Variants in IQUB observed in about 807,000 individuals in gnomAD.
IQUB encodes the protein IQ motif and ubiquitin-like domain-containing protein.
IQUB carries 86 observed loss-of-function variants against 86.4 expected under a neutral mutation model. The observed-to-expected ratio is 1.00, with a 90% confidence interval of 0.84 to 1.19. The LOEUF is 1.19. Among genes scored for constraint, IQUB ranks in the 50% most tolerant of loss-of-function variants. The probability of loss-of-function intolerance (pLI) is 0.00; values close to 1 mark genes in which losing one functional copy is unlikely to be tolerated. For synonymous variants in IQUB, 289 were observed against 304.5 expected (o/e 0.95, Z 0.53); for missense variants, 946 against 916.9 (o/e 1.03, Z -0.41).
chr7:123,526,968 G>C (rs941493911), intron 1 of IQUB, among the ~76,000 whole-genome samples: 22 of 151,950 alleles, frequency 1.4e-4, no homozygotes, highest in Admixed American at 2.6e-4. Flanking sequence ...GCTTAGTTTG[G>C]CTGGATATGA....
chr7:123,527,592 C>T (rs1797299888), intron 1 of IQUB, among the ~76,000 whole-genome samples: 1 of 151,936 alleles, frequency 6.6e-6, no homozygotes, highest in Admixed American at 6.6e-5. Context: ...TGTCAGTCTG[C>T]CCCTGCTGGG....
At position 123,464,944 on chromosome 7, in the gene IQUB, C is replaced by T. The variant is rs1794178921; in HGVS notation, c.1647G>A (p.Met549Ile). 3 of 1,604,060 alleles carry T rather than the reference C, an allele frequency of 1.9e-6. No homozygotes were observed. The East Asian group carries it at 6.7e-5, about 36-fold the overall frequency. Residue 549 changes from methionine (M) to isoleucine (I), a missense_variant, in exon 10 of 13, where the codon ATG (methionine) becomes ATA (isoleucine). Coordinates refer to ENST00000324698, the MANE Select transcript of IQUB (RefSeq NM_178827.5). ...CAAGGTTATGATGTTTGACTCCTCT[C>T]ATCATAAGGTCAACCTCTCTGTCAA... ...ELIDREVDLM[M>I]RGVKHHNLEG...
At position 123,486,554 on chromosome 7, in the gene IQUB, T is replaced by C. The variant is rs180684721; in HGVS notation, c.1235-6584A>G. Among the ~76,000 whole-genome samples the C allele has an allele frequency of 1.1e-3, 160 of 152,340 alleles. 1 individual carries two copies. The Middle Eastern group carries it at 0.017, about 16-fold the overall frequency. ...AGCATAATTAATTGGTACGTAGTAA[T>C]TGTCCTTAGTAAATATTTATTAAAT... On this transcript the variant is annotated intron_variant, in intron 7 of 12. Transcript: ENST00000324698.
chr7:123,513,762 C>T (rs1428103333), intron 1 of IQUB, among the ~76,000 whole-genome samples: 1 of 152,180 alleles, frequency 6.6e-6, no homozygotes, highest in Non-Finnish European at 1.5e-5. Flanking sequence ...GATTCTCCTG[C>T]CTTAGCCTCC....
chr7:123,519,184 G>C (rs1360319230), intron 1 of IQUB, among the ~76,000 whole-genome samples: 1 of 152,120 alleles, frequency 6.6e-6, no homozygotes, highest in African/African-American at 2.4e-5. Context: ...GCAAAGAAAG[G>C]GGAATGGTAG....
intron 1 of IQUB, among the ~76,000 whole-genome samples, chr7:123,528,591 G>A (rs1319766628): frequency 6.6e-6 from 1 of 152,100 alleles, no homozygotes; most frequent in Non-Finnish European, 1.5e-5. Flanking sequence ...GTCCATGGGG[G>A]ATTGGGAGGA....
intron 10 of IQUB, among the ~76,000 whole-genome samples, chr7:123,462,024 A>C (rs2116972594): frequency 6.6e-6 from 1 of 151,920 alleles, no homozygotes; most frequent in South Asian, 2.1e-4. Context: ...TTCTCGTTTA[A>C]TTTATCTTCA....
chr7:123,486,417 T>C (rs1274620789), intron 7 of IQUB, among the ~76,000 whole-genome samples: 1 of 152,174 alleles, frequency 6.6e-6, no homozygotes, highest in Admixed American at 6.5e-5. Context: ...TACCTAACTC[T>C]GCTGAGTGTT....
intron 1 of IQUB, among the ~76,000 whole-genome samples, chr7:123,522,830 T>TC (rs1215817801): frequency 2.0e-5 from 3 of 150,860 alleles, no homozygotes; most frequent in African/African-American, 7.3e-5. Flanking sequence ...ATTAGGTATA[T>TC]CTCCCAATGC....
chr7:123,468,639 TGTTCAG>T (rs1794372587), intron 9 of IQUB, among the ~76,000 whole-genome samples: 1 of 152,204 alleles, frequency 6.6e-6, no homozygotes. Context: ...CTGAAGTCAT[TGTTCAG>T]AATCCACCAC....
At chr7:123,492,232 G>A (rs1795505186) in intron 7 of IQUB, among the ~76,000 whole-genome samples, 1 of 152,062 alleles carries the variant, frequency 6.6e-6, no homozygotes, top group Admixed American at 6.6e-5. Context: ...AATGGACTAC[G>A]AACTTAACAA....
In IQUB at chr7:123,527,702, C is replaced by T. The variant is rs375117817; in HGVS notation, c.-5+6790G>A. ...GATCTCCAGCTGCGTGCTGGGAGAA[C>T]CACTGCTCTCTTCAAAGCTGTCAGA... is the stretch of plus-strand genomic sequence containing the variant. On this transcript the variant is annotated intron_variant, in intron 1 of 12. Transcript: ENST00000324698. Among the ~76,000 whole-genome samples, 25 of 152,246 alleles carry T rather than the reference C, an allele frequency of 1.6e-4. No homozygotes were observed. The East Asian group carries it at 4.1e-3, about 25-fold the overall frequency.
intron 9 of IQUB, among the ~76,000 whole-genome samples, chr7:123,467,051 A>G (rs1794296749): frequency 6.6e-6 from 1 of 152,036 alleles, no homozygotes; most frequent in Non-Finnish European, 1.5e-5. Flanking sequence ...TTTTACCTGT[A>G]TTGCCCACTT....
intron 8 of IQUB, among the ~76,000 whole-genome samples, chr7:123,476,141 C>A (rs1794735253): frequency 6.6e-6 from 1 of 151,844 alleles, no homozygotes; most frequent in South Asian, 2.1e-4. Context: ...AATGACAACT[C>A]TTTCCTTTAA....
At chr7:123,494,453 T>C (rs970676454) in intron 7 of IQUB, among the ~76,000 whole-genome samples, 2 of 152,150 alleles carry the variant, frequency 1.3e-5, no homozygotes, top group Admixed American at 6.6e-5. Context: ...GCAATATAAA[T>C]TATTGAGCTT....
At chr7:123,513,037 T>C (rs1796494426) in intron 1 of IQUB, among the ~76,000 whole-genome samples, 1 of 152,060 alleles carries the variant, frequency 6.6e-6, no homozygotes, top group Non-Finnish European at 1.5e-5. Flanking sequence ...AGCCCACCTA[T>C]AGAAGTCAGG....
intron 11 of IQUB, among the ~76,000 whole-genome samples, 185 bp from the exon 12 acceptor site, chr7:123,457,751 G>A (rs555065265): frequency 1.3e-5 from 2 of 151,960 alleles, no homozygotes; most frequent in South Asian, 2.1e-4. Flanking sequence ...TACATTATCA[G>A]TCTCACAGTT....
At chr7:123,533,138 A>C (rs1162119927) in intron 1 of IQUB, among the ~76,000 whole-genome samples, 2 of 152,190 alleles carry the variant, frequency 1.3e-5, no homozygotes, top group African/African-American at 4.8e-5. Context: ...AGAAAATTCA[A>C]AACGAGTCTA....
intron 1 of IQUB, among the ~76,000 whole-genome samples, chr7:123,533,631 A>C (rs1171586684): frequency 1.3e-5 from 2 of 152,224 alleles, no homozygotes; most frequent in Non-Finnish European, 2.9e-5. Flanking sequence ...TGCATAAATG[A>C]GACAGATCTG....
Sources: gnomAD v4.1 joint callset for allele counts (sites outside exome capture counted in the v4.1 genomes callset) on GRCh38, gnomAD v4.1.1 for gene constraint, MANE v1.5 for transcripts, NCBI Gene and HGNC (gene_info 2026-07-23, HGNC 2026-07-21) for gene names.